C9: variants seen among roughly 807,000 people sequenced by gnomAD.
C9 encodes the protein complement C9.
A neutral mutation model predicts 65.4 loss-of-function variants in C9; 63 were observed. The ratio of observed to expected loss-of-function variants is 0.96; its 90% confidence interval spans 0.79 to 1.19. The LOEUF is 1.19. Ranked by LOEUF, C9 falls within the 50% of genes most tolerant of loss-of-function variation. C9 has a pLI of 0.00. For missense variants in C9, 744 were observed against 670.1 expected, an observed-to-expected ratio of 1.11 and a Z score of -1.22; for synonymous variants, 229 against 227.9, an observed-to-expected ratio of 1.00 and a Z score of -0.04.
intron 4 of C9, among the ~76,000 whole-genome samples, chr5:39,335,996 G>A (rs531038388): frequency 5.3e-5 from 8 of 152,192 alleles, no homozygotes; most frequent in African/African-American, 7.2e-5. Flanking sequence ...CATTTTTAGC[G>A]TGACATCTAA....
chr5:39,344,374 T>A (rs1754150303), intron 1 of C9, among the ~76,000 whole-genome samples: 1 of 152,162 alleles, frequency 6.6e-6, no homozygotes, highest in South Asian at 2.1e-4. Flanking sequence ...ACGTGATGAA[T>A]GCACAAGCTT....
intron 1 of C9, among the ~76,000 whole-genome samples, chr5:39,342,592 C>T (rs1007405169): frequency 6.6e-5 from 10 of 152,102 alleles, no homozygotes; most frequent in African/African-American, 2.4e-4. Context: ...CACCATACCC[C>T]ACCCCTCCCA....
chr5:39,314,782 C>T (rs1039489473), intron 6 of C9, among the ~76,000 whole-genome samples: 5 of 152,288 alleles, frequency 3.3e-5, no homozygotes, highest in South Asian at 4.2e-4. Flanking sequence ...AATCATGCCA[C>T]CTACAGGCAT....
intron 1 of C9, among the ~76,000 whole-genome samples, chr5:39,344,871 A>C (rs540809684): frequency 1.3e-5 from 2 of 152,208 alleles, no homozygotes; most frequent in African/African-American, 4.8e-5. Context: ...AATATTCAAC[A>C]TTCTTAAAGA....
intron 1 of C9, among the ~76,000 whole-genome samples, chr5:39,362,011 A>G (rs879566978): frequency 6.6e-5 from 10 of 152,144 alleles, no homozygotes; most frequent in African/African-American, 4.8e-5. Context: ...GGCATTTATT[A>G]AGTTCTTACC....
chr5:39,329,827 T>C (rs768443243), intron 5 of C9, among the ~76,000 whole-genome samples: 1 of 152,208 alleles, frequency 6.6e-6, no homozygotes, highest in Non-Finnish European at 1.5e-5. Flanking sequence ...ACATATTTCA[T>C]TAAGTAGTAG....
rs930592245 is a variant in C9, at chr5:39,321,827, C to T, written c.616-5798G>A. 7.2e-5 allele frequency among the ~76,000 whole-genome samples: 11 copies of T among 152,084 alleles called. No homozygotes were observed. In the South Asian group the frequency reaches 2.3e-3, roughly 32 times the overall value. ...GAGGATATTTAAATTTCTAGACACC[C>T]AACATCAGAGCACCTAAATGTATAA... On this transcript the variant is annotated intron_variant, in intron 5 of 10. Coordinates refer to ENST00000263408, the MANE Select transcript of C9 (RefSeq NM_001737.5).
intron 5 of C9, among the ~76,000 whole-genome samples, chr5:39,321,285 A>T (rs1422843123): frequency 6.6e-6 from 1 of 152,104 alleles, no homozygotes; most frequent in Non-Finnish European, 1.5e-5. Flanking sequence ...AAATGTGGGG[A>T]GGAAAAGTGT....
intron 7 of C9, among the ~76,000 whole-genome samples, chr5:39,309,138 T>C (rs967342952): frequency 1.3e-5 from 2 of 151,934 alleles, no homozygotes; most frequent in African/African-American, 2.4e-5. Flanking sequence ...TCAAAGTCTA[T>C]CAGTTATTAT....
intron 1 of C9, among the ~76,000 whole-genome samples, chr5:39,359,100 G>GTATATA (rs1270604293): frequency 6.1e-4 from 54 of 87,820 alleles, no homozygotes; most frequent in African/African-American, 2.2e-3. Flanking sequence ...GTGTGTGTGT[G>GTATATA]TGTATATATA....
chr5:39,362,422 G>C (rs995263028), intron 1 of C9, among the ~76,000 whole-genome samples: 16 of 152,186 alleles, frequency 1.1e-4, no homozygotes, highest in African/African-American at 3.9e-4. Context: ...ATACAAGGGA[G>C]TGCTGGCCAC....
chr5:39,308,280 C>T lies in C9; in HGVS notation c.1190G>A (p.Gly397Glu). ...ACAATCATCTTTATTAAATTCAGCT[C>T]CAACAGAGATTTCAGAGAAAGCCAG... ...VSLAFSEISV[G>E]AEFNKDDCVK... Residue 397 changes from glycine to glutamate, a missense_variant, in exon 8 of 11, where the codon GGA (glycine) becomes GAA (glutamate). Transcript: ENST00000263408. 1.2e-6 allele frequency: 2 copies of T among 1,612,252 alleles called. No individual in the cohort carries two copies. Among genetic ancestry groups the T allele is most frequent in the Non-Finnish European group, 1.7e-6 (2 of 1,178,428 alleles).
chr5:39,318,259 C>A (rs10051724), intron 5 of C9, among the ~76,000 whole-genome samples: 1 of 152,076 alleles, frequency 6.6e-6, no homozygotes, highest in Non-Finnish European at 1.5e-5. Context: ...GCTGAGACAA[C>A]GGGGTTTTCT....
chr5:39,336,633 CTTCA>C (rs1397124200), intron 4 of C9, among the ~76,000 whole-genome samples: 1 of 151,974 alleles, frequency 6.6e-6, no homozygotes, highest in Non-Finnish European at 1.5e-5. Flanking sequence ...ATGAATATTA[CTTCA>C]TTCATTCATT....
intron 9 of C9, among the ~76,000 whole-genome samples, chr5:39,291,716 A>G (rs1753101025): frequency 6.6e-6 from 1 of 151,924 alleles, no homozygotes; most frequent in Non-Finnish European, 1.5e-5. Context: ...ACTAAATTTG[A>G]CTTTACTAGA....
intron 1 of C9, among the ~76,000 whole-genome samples, chr5:39,357,331 C>A (rs1310623078): frequency 3.3e-5 from 5 of 152,176 alleles, no homozygotes; most frequent in Non-Finnish European, 7.3e-5. Context: ...TGCAACTCGT[C>A]AAGATGAAAA....
intron 1 of C9, among the ~76,000 whole-genome samples, chr5:39,356,953 T>A (rs1754422759): frequency 6.6e-6 from 1 of 152,182 alleles, no homozygotes; most frequent in Admixed American, 6.5e-5. Flanking sequence ...AATGTGTTTA[T>A]CAAATAAAAC....
At chr5:39,341,801 G>T in intron 2 of C9, 101 bp from the exon 3 acceptor site, 1 of 1,100,906 alleles carries the variant, frequency 9.1e-7, no homozygotes, top group Non-Finnish European at 1.4e-6. Flanking sequence ...TGAGTCAATG[G>T]TTTTAAGATA....
At chr5:39,335,818 G>T (rs540371680) in intron 4 of C9, among the ~76,000 whole-genome samples, 11 of 152,032 alleles carry the variant, frequency 7.2e-5, no homozygotes, top group African/African-American at 2.4e-4. Context: ...TTAGAAGAAA[G>T]ATTTGATATG....
Sources: gnomAD v4.1 joint callset for allele counts (sites outside exome capture counted in the v4.1 genomes callset) on GRCh38, gnomAD v4.1.1 for gene constraint, MANE v1.5 for transcripts, NCBI Gene and HGNC (gene_info 2026-07-23, HGNC 2026-07-21) for gene names.